AP3B1: variants seen among roughly 807,000 people sequenced by gnomAD.
AP3B1 encodes the protein adaptor related protein complex 3 subunit beta 1, also known as AP-3 complex subunit beta-1.
In AP3B1, 61 loss-of-function variants were observed where a neutral mutation model predicts 132.5. That is an observed-to-expected ratio of 0.46 (90% CI 0.37 to 0.57). The LOEUF is 0.57. Among genes scored for constraint, AP3B1 ranks in the 20% least tolerant of loss-of-function variants. AP3B1 has a pLI of 0.00. For missense variants in AP3B1, 1,120 were observed against 1,289.4 expected (o/e 0.87, Z 2.01); for synonymous variants, 388 against 438.3 (o/e 0.89, Z 1.43).
intron 7 of AP3B1, among the ~76,000 whole-genome samples, chr5:78,185,812 A>G (rs567101909): frequency 6.6e-4 from 100 of 152,236 alleles, no homozygotes; most frequent in African/African-American, 2.4e-3. Context: ...TGAGGCTTCA[A>G]TGAGCTATGA....
intron 22 of AP3B1, among the ~76,000 whole-genome samples, chr5:78,048,307 A>C (rs992340142): frequency 1.3e-5 from 2 of 152,224 alleles, no homozygotes; most frequent in Non-Finnish European, 2.9e-5. Context: ...TTCAAGACTA[A>C]GTGCTGGCCT....
chr5:78,142,397 T>G (rs1753188235), intron 14 of AP3B1, among the ~76,000 whole-genome samples: 1 of 152,212 alleles, frequency 6.6e-6, no homozygotes, highest in East Asian at 1.9e-4. Context: ...TTATAATAAG[T>G]GAAAAGGCTG....
chr5:78,097,985 A>T (rs866400962), intron 21 of AP3B1, among the ~76,000 whole-genome samples: 1 of 152,138 alleles, frequency 6.6e-6, no homozygotes, highest in African/African-American at 2.4e-5. Context: ...CTTACCCCCC[A>T]ACCCTGTGCT....
At position 78,013,536 on chromosome 5, in the gene AP3B1, AT is replaced by A. The variant is rs1340274419; in HGVS notation, c.3131+1873del. Among the ~76,000 whole-genome samples the A allele has an allele frequency of 5.9e-5, 9 of 152,344 alleles. No individual in the cohort carries two copies. In the South Asian group the frequency reaches 1.5e-3, roughly 25 times the overall value. On this transcript the variant is annotated intron_variant, in intron 26 of 26. Transcript: ENST00000255194. ...CTGGATACTAGGTGTTTCAGGTAAA[AT>A]TTCATACTGAAGAAGTTATACTTGA...
chr5:78,091,670 T>A (rs2112207447), intron 21 of AP3B1, among the ~76,000 whole-genome samples: 1 of 152,256 alleles, frequency 6.6e-6, no homozygotes, highest in African/African-American at 2.4e-5. Context: ...GATAACAGAA[T>A]GCTATAAACA....
chr5:78,143,012 T>C (rs1753219075), intron 14 of AP3B1, among the ~76,000 whole-genome samples: 1 of 152,158 alleles, frequency 6.6e-6, no homozygotes, highest in Non-Finnish European at 1.5e-5. Context: ...GGAATTCAAG[T>C]TGCCTGCCAT....
At chr5:78,097,270 G>A (rs1212208198) in intron 21 of AP3B1, among the ~76,000 whole-genome samples, 1 of 99,316 alleles carries the variant, frequency 1.0e-5, no homozygotes, top group East Asian at 2.6e-4. Context: ...CAGCCACCCC[G>A]TCCGGGAGGG....
intron 22 of AP3B1, among the ~76,000 whole-genome samples, chr5:78,076,721 T>A (rs1323046922): frequency 1.3e-5 from 2 of 152,210 alleles, no homozygotes; most frequent in African/African-American, 4.8e-5. Context: ...TGTGGCAATA[T>A]TTCAAACAAT....
chr5:78,193,832 C>T (rs931206752), intron 7 of AP3B1, among the ~76,000 whole-genome samples: 1 of 146,704 alleles, frequency 6.8e-6, no homozygotes, highest in Non-Finnish European at 1.5e-5. Flanking sequence ...CGTGATCTCG[C>T]TCACTGCAAG....
In AP3B1 at chr5:78,012,243, A is replaced by T. The variant is rs897896272; in HGVS notation, c.3131+3167T>A. Among the ~76,000 whole-genome samples the T allele has an allele frequency of 2.6e-5, 4 of 151,972 alleles. No individual in the cohort carries two copies. In the South Asian group the frequency reaches 6.2e-4, roughly 24 times the overall value. ...AATATGGAACACTATAGTTAAAAAC[A>T]TTTATTTCAATAAAGTGGTAAACAG... On this transcript the variant is annotated intron_variant, in intron 26 of 26. Transcript: ENST00000255194.
At chr5:78,083,589 C>A (rs188224684) in intron 22 of AP3B1, among the ~76,000 whole-genome samples, 1 of 152,060 alleles carries the variant, frequency 6.6e-6, no homozygotes, top group Non-Finnish European at 1.5e-5. Flanking sequence ...CTAAGTTAAC[C>A]GGTTTGTTCA....
chr5:78,223,989 A>G (rs1746295582), intron 6 of AP3B1, among the ~76,000 whole-genome samples: 1 of 152,180 alleles, frequency 6.6e-6, no homozygotes, highest in Non-Finnish European at 1.5e-5. Flanking sequence ...CATTAAAATG[A>G]CAGATCTGCT....
rs757825991 is a variant in AP3B1, at chr5:78,116,194, T to C, written c.2009A>G (p.Asn670Ser). Residue 670 changes from asparagine (N) to serine (S), a missense_variant, in exon 18 of 27, where the codon AAT becomes AGT. Around this residue, in one of 3 missense-constraint regions of AP3B1, gnomAD observed 906 missense variants for 997.1 expected, o/e 0.91. Coordinates refer to ENST00000255194, the MANE Select transcript of AP3B1 (RefSeq NM_003664.5). ...WTPAGKAKQE[N>S]SAKKFYSESE... ...TTCAGAATAAAACTTCTTAGCAGAA[T>C]TCTCTTGCTTTGCTTTTCCTGCTGG... 2.0e-5 allele frequency: 32 copies of C among 1,613,712 alleles called. No individual in the cohort carries two copies. Among genetic ancestry groups the C allele is most frequent in the Non-Finnish European group, 2.4e-5 (28 of 1,179,838 alleles).
At chr5:78,293,675 A>C (rs188454656) in intron 1 of AP3B1, among the ~76,000 whole-genome samples, 33 of 152,190 alleles carry the variant, frequency 2.2e-4, no homozygotes, top group Admixed American at 5.9e-4. Context: ...GAAATGTAAA[A>C]ATGATAATTC....
intron 25 of AP3B1, among the ~76,000 whole-genome samples, chr5:78,018,448 G>A (rs1215334248): frequency 6.6e-6 from 1 of 150,718 alleles, no homozygotes; most frequent in East Asian, 2.0e-4. Flanking sequence ...GTAATACTCT[G>A]TTAGAACCAC....
intron 22 of AP3B1, among the ~76,000 whole-genome samples, chr5:78,067,522 T>C (rs975745764): frequency 1.3e-5 from 2 of 152,160 alleles, no homozygotes; most frequent in Non-Finnish European, 2.9e-5. Context: ...TCATCGGAAG[T>C]AAAACACTCC....
intron 1 of AP3B1, among the ~76,000 whole-genome samples, chr5:78,277,392 AAGG>A (rs1373687863): frequency 1.6e-4 from 24 of 152,302 alleles, no homozygotes; most frequent in African/African-American, 5.3e-4. Context: ...ACAGGAAAAA[AAGG>A]AGAAGGGAGG....
intron 21 of AP3B1, among the ~76,000 whole-genome samples, chr5:78,099,251 C>A (rs1472919361): frequency 5.3e-5 from 8 of 152,162 alleles, no homozygotes; most frequent in African/African-American, 1.9e-4. Context: ...CCCAGTCTAA[C>A]GTATTCTGTT....
intron 4 of AP3B1, 69 bp from the exon 5 acceptor site, chr5:78,227,601 C>T (rs892174135): frequency 2.0e-6 from 3 of 1,495,644 alleles, no homozygotes; most frequent in South Asian, 2.3e-5. Context: ...CTTTCAGACA[C>T]AGTTAATAGG....
Sources: allele counts gnomAD v4.1 joint callset (sites outside exome capture counted in the v4.1 genomes callset), GRCh38; gene constraint gnomAD v4.1.1; regional missense constraint gnomAD v4.1.1; transcripts MANE v1.5; gene names NCBI Gene and HGNC (gene_info 2026-07-23, HGNC 2026-07-21).